Variants in RGS7 observed in about 807,000 individuals in gnomAD.
RGS7 encodes the protein regulator of G-protein signaling 7.
Under a neutral mutation model 81.1 loss-of-function variants are expected in RGS7, and 27 were observed. That is an observed-to-expected ratio of 0.33 (90% CI 0.25 to 0.46). The LOEUF (loss-of-function observed/expected upper bound fraction) is 0.46, where lower values mean the gene tolerates loss of function less well. Among genes scored for constraint, RGS7 ranks in the 20% least tolerant of loss-of-function variants. The pLI, the probability that RGS7 is intolerant of heterozygous loss-of-function variation, is 1.00. For missense variants in RGS7, 396 were observed against 607.4 expected, an observed-to-expected ratio of 0.65 and a Z score of 3.66; for synonymous variants, 208 against 207.7, an observed-to-expected ratio of 1.00 and a Z score of -0.01.
intron 3 of RGS7, among the ~76,000 whole-genome samples, chr1:241,085,139 G>C (rs1489297812): frequency 6.6e-6 from 1 of 152,200 alleles, no homozygotes; most frequent in Non-Finnish European, 1.5e-5. Context: ...GCTTACACTG[G>C]AAGCATAGTA....
At chr1:240,838,034 T>C (rs1338172425) in intron 9 of RGS7, among the ~76,000 whole-genome samples, 1 of 152,156 alleles carries the variant, frequency 6.6e-6, no homozygotes, top group African/African-American at 2.4e-5. Flanking sequence ...AGTTCCCAAA[T>C]AGAAAAGGGG....
chr1:240,867,528 G>C (rs568159616), intron 9 of RGS7, among the ~76,000 whole-genome samples: 25 of 152,238 alleles, frequency 1.6e-4, no homozygotes, highest in Middle Eastern at 6.8e-3. Context: ...TATTAATTAA[G>C]GATATTCATT....
At chr1:241,336,838 G>A (rs941061277) in intron 2 of RGS7, among the ~76,000 whole-genome samples, 9 of 152,140 alleles carry the variant, frequency 5.9e-5, no homozygotes, top group Admixed American at 1.3e-4. Flanking sequence ...CTCTGGAATA[G>A]GATATTCCTG....
intron 3 of RGS7, among the ~76,000 whole-genome samples, chr1:240,996,877 G>T (rs1019631081): frequency 4.6e-5 from 7 of 151,456 alleles, no homozygotes; most frequent in African/African-American, 1.7e-4. Flanking sequence ...TTTTTTGTGG[G>T]TTTTTTTTCT....
chr1:241,295,458 A>C (rs1030215937), intron 2 of RGS7, among the ~76,000 whole-genome samples: 8 of 131,650 alleles, frequency 6.1e-5, no homozygotes, highest in African/African-American at 2.1e-4. Context: ...GTCTCAAAAA[A>C]AGAAGAAAAA....
chr1:241,344,241 A>G lies in RGS7; in HGVS notation c.78+11458T>C, dbSNP rs563469976. Among the ~76,000 whole-genome samples, 12 of 152,368 alleles carry G rather than the reference A, an allele frequency of 7.9e-5. 1 individual carries two copies. The highest frequency in any genetic ancestry group is 3.9e-4 in the East Asian group (2 of 5,188). ...TTGTATTCGTTTGAACTATGCCACA[A>G]TGAAAAATTGTAAATGTTGCTTTAT... On this transcript the variant is annotated intron_variant, in intron 2 of 18. Coordinates refer to ENST00000440928, the MANE Select transcript of RGS7 (RefSeq NM_001364886.1).
At chr1:241,040,078 A>G (rs906798717) in intron 3 of RGS7, among the ~76,000 whole-genome samples, 7 of 152,226 alleles carry the variant, frequency 4.6e-5, no homozygotes, top group African/African-American at 1.7e-4. Context: ...GGAATGACAG[A>G]AATCAGTCAT....
intron 6 of RGS7, among the ~76,000 whole-genome samples, chr1:240,919,090 TAAC>T: frequency 6.6e-6 from 1 of 151,950 alleles, no homozygotes; most frequent in East Asian, 1.9e-4. Context: ...GAATCAACAA[TAAC>T]AACTTACCAA....
chr1:240,978,167 G>A (rs1289166537), intron 4 of RGS7, among the ~76,000 whole-genome samples: 1 of 152,186 alleles, frequency 6.6e-6, no homozygotes, highest in Non-Finnish European at 1.5e-5. Flanking sequence ...GTAATCTAAG[G>A]AGAATCCATC....
chr1:240,869,947 A>G (rs1204454184), intron 7 of RGS7, 108 bp downstream of exon 7: 29 of 1,000,692 alleles, frequency 2.9e-5, no homozygotes, highest in Non-Finnish European at 4.5e-5. Flanking sequence ...TCTCAAAAAA[A>G]AGAAAAAGAT....
intron 6 of RGS7, among the ~76,000 whole-genome samples, chr1:240,876,288 C>A (rs1018201484): frequency 2.0e-5 from 3 of 152,100 alleles, no homozygotes; most frequent in African/African-American, 7.2e-5. Context: ...AGATAAGGCG[C>A]GGTCACCCCT....
intron 2 of RGS7, among the ~76,000 whole-genome samples, chr1:241,303,721 T>C (rs993631077): frequency 6.6e-6 from 1 of 152,238 alleles, no homozygotes; most frequent in African/African-American, 2.4e-5. Flanking sequence ...TTCTGGCATT[T>C]GTTTTTATTG....
In RGS7 at chr1:241,069,861, T is replaced by C. The variant is rs559468379; in HGVS notation, c.175+28805A>G. On this transcript the variant is annotated intron_variant, in intron 3 of 18. Coordinates refer to ENST00000440928, the MANE Select transcript of RGS7 (RefSeq NM_001364886.1). ...TCGGAGTCTCTATTAAAGAAGAATTTATATGTCATGAATTCCTTCTATTTT... is the reference window on the plus strand; with the variant it reads ...TCGGAGTCTCTATTAAAGAAGAATTCATATGTCATGAATTCCTTCTATTTT... Among the ~76,000 whole-genome samples the C allele has an allele frequency of 7.2e-5, 11 of 152,340 alleles. No individual in the cohort carries two copies. In the South Asian group the frequency reaches 2.3e-3, roughly 32 times the overall value.
At chr1:241,231,061 C>T (rs2815858) in intron 2 of RGS7, among the ~76,000 whole-genome samples, 106,032 of 152,074 alleles carry the variant, frequency 0.7, 37,137 homozygotes, top group Middle Eastern at 0.78. Context: ...CTAAGTTCTC[C>T]ACCCTTTTCT....
At chr1:240,791,664 G>T (rs372645145) in intron 18 of RGS7, among the ~76,000 whole-genome samples, 1 of 152,148 alleles carries the variant, frequency 6.6e-6, no homozygotes, top group South Asian at 2.1e-4. Context: ...AAGAGAAAAG[G>T]ATTTTGAAAG....
intron 2 of RGS7, among the ~76,000 whole-genome samples, chr1:241,314,868 A>C (rs2080770751): frequency 6.6e-6 from 1 of 152,154 alleles, no homozygotes; most frequent in Admixed American, 6.6e-5. Flanking sequence ...GGGAATAGAT[A>C]GAAGGTAGGA....
chr1:241,061,262 G>T (rs111428589), intron 3 of RGS7, among the ~76,000 whole-genome samples: 1 of 152,168 alleles, frequency 6.6e-6, no homozygotes, highest in East Asian at 1.9e-4. Flanking sequence ...CTGTATTTTG[G>T]TGGAAATAAA....
intron 2 of RGS7, among the ~76,000 whole-genome samples, chr1:241,352,872 T>C (rs1248463763): frequency 3.9e-5 from 6 of 152,380 alleles, no homozygotes; most frequent in Non-Finnish European, 8.8e-5. Flanking sequence ...TATTCCACTT[T>C]GGAAACCAAT....
At chr1:241,014,113 C>T (rs1395464669) in intron 3 of RGS7, among the ~76,000 whole-genome samples, 1 of 152,200 alleles carries the variant, frequency 6.6e-6, no homozygotes, top group Non-Finnish European at 1.5e-5. Context: ...GTCTGAGCTG[C>T]CAAATATCAG....
Sources: gnomAD v4.1 joint callset for allele counts (sites outside exome capture counted in the v4.1 genomes callset) on GRCh38, gnomAD v4.1.1 for gene constraint, MANE v1.5 for transcripts, NCBI Gene and HGNC (gene_info 2026-07-23, HGNC 2026-07-21) for gene names.